LIPA: variants seen among roughly 807,000 people sequenced by gnomAD.
LIPA encodes the protein lysosomal acid lipase/cholesteryl ester hydrolase.
A neutral mutation model predicts 40.6 loss-of-function variants in LIPA; 26 were observed. The observed-to-expected ratio is 0.64, with a 90% CI of 0.47 to 0.89. The LOEUF is 0.89. Among genes scored for constraint, LIPA ranks in the 40% least tolerant of loss-of-function variants. The pLI is 0.00. For synonymous variants in LIPA, 188 were observed against 168.4 expected (o/e 1.12, Z -0.90); for missense variants, 455 against 479.6 (o/e 0.95, Z 0.48).
Position 89,262,496 on chromosome 10 carries a change from T to C in LIPA, c.-1-14847A>G, listed in dbSNP as rs188739050. On this transcript the variant is annotated intron_variant, in intron 1 of 5. Transcript: ENST00000282673. ...CAAAGGGTCATGGAAACTCAGTATC[T>C]TTCTTCCTGTCTGAATCACAGCTTT... Among the ~76,000 whole-genome samples, 12 of 152,362 alleles carry C rather than the reference T, an allele frequency of 7.9e-5. No homozygotes were observed. The East Asian group carries it at 2.3e-3, about 29-fold the overall frequency.
At chr10:89,235,712 AC>A (rs1210960734) in intron 3 of LIPA, among the ~76,000 whole-genome samples, 5 of 152,244 alleles carry the variant, frequency 3.3e-5, no homozygotes, top group Admixed American at 1.3e-4. Flanking sequence ...CCAGGGCAGA[AC>A]CAAAACAGAG....
At position 89,394,485 on chromosome 10, in the gene LIPA, C is replaced by A. The variant is rs1349195343; in HGVS notation, c.61+18306G>T. 4.0e-5 allele frequency among the ~76,000 whole-genome samples: 6 copies of A among 150,936 alleles called. No homozygotes were observed. The South Asian group carries it at 1.3e-3, about 32-fold the overall frequency. ...TAAATCAATGTTTCCCAAAGGGTGT[C>A]AGTGGGGGCTCATGTGATTATTTCA... On this transcript the variant is annotated intron_variant, in intron 2 of 8. Coordinates refer to the LIPA transcript ENST00000371837.
At chr10:89,312,624 C>T (rs773739494) in intron 1 of LIPA, among the ~76,000 whole-genome samples, 19 of 151,560 alleles carry the variant, frequency 1.3e-4, no homozygotes, top group African/African-American at 4.1e-4. Flanking sequence ...CTGGCTAACA[C>T]GGTGAAACCC....
chr10:89,248,689 T>C (rs1843071610), intron 1 of LIPA, among the ~76,000 whole-genome samples: 1 of 150,902 alleles, frequency 6.6e-6, no homozygotes, highest in Non-Finnish European at 1.5e-5. Flanking sequence ...TTCACTGTGT[T>C]AGCCAGGATG....
intron 9 of LIPA, 66 bp from the exon 10 acceptor site, chr10:89,215,127 A>C: frequency 8.7e-7 from 1 of 1,143,924 alleles, no homozygotes; most frequent in South Asian, 1.2e-5. Context: ...AAATCACAAT[A>C]AGCGCAATCT....
At position 89,214,345 on chromosome 10, in the gene LIPA, C is replaced by T. The variant is rs1842591642; in HGVS notation, c.*483G>A. 6.5e-6 allele frequency: 1 copy of T among 154,428 alleles called. No homozygotes were observed. The allele number at this position is 154,428 out of a possible 1,614,324, so 9.6% of individuals were successfully genotyped here. ...GCTGCAGGAAAACATGATAAAATGT[C>T]ATTTAGATCTCTAACTACAAGACCG... On this transcript the variant is annotated 3_prime_UTR_variant, in exon 10 of 10. Coordinates refer to ENST00000336233, the MANE Select transcript of LIPA (RefSeq NM_000235.4).
chr10:89,404,303 A>T (rs1305514853), intron 2 of LIPA: 2 of 152,552 alleles, frequency 1.3e-5, no homozygotes, highest in Non-Finnish European at 2.9e-5. Flanking sequence ...TCCACATGAC[A>T]ACTGATCAGC....
chr10:89,336,172 GGGAA>G (rs1180450072), intron 1 of LIPA, among the ~76,000 whole-genome samples: 67 of 150,230 alleles, frequency 4.5e-4, no homozygotes, highest in East Asian at 7.8e-4. Context: ...GAGGGAGGGA[GGGAA>G]GGAAGGAAGG....
chr10:89,278,208 T>C (rs577392238), intron 1 of LIPA: 4 of 152,356 alleles, frequency 2.6e-5, no homozygotes, highest in South Asian at 4.1e-4. Flanking sequence ...AGGAATGTTT[T>C]CATTTTCTCA....
intron 2 of LIPA, chr10:89,377,984 G>A: frequency 1.6e-6 from 1 of 642,768 alleles, no homozygotes; most frequent in Non-Finnish European, 2.8e-6. Flanking sequence ...CAATTCACTA[G>A]GCATCAAGGG....
chr10:89,243,646 G>A (rs145314792), intron 3 of LIPA, among the ~76,000 whole-genome samples: 56 of 152,026 alleles, frequency 3.7e-4, no homozygotes, highest in African/African-American at 9.4e-4. Flanking sequence ...AAACCCAGGT[G>A]TAGCACCAAG....
Position 89,400,962 on chromosome 10 carries a change from T to TC in LIPA, c.61+11828_61+11829insG, listed in dbSNP as rs1844412709. Among the ~76,000 whole-genome samples the TC allele has an allele frequency of 3.9e-5, 6 of 152,220 alleles. No individual in the cohort carries two copies. The South Asian group carries it at 1.2e-3, about 32-fold the overall frequency. On this transcript the variant is annotated intron_variant, in intron 2 of 8. Coordinates refer to the LIPA transcript ENST00000371837. ...TATTAGTAGTCTATAGTCTGTTTTTTTTTTCATAAAGGGTGTTGAATTTTG... is the reference window on the plus strand; with the variant it reads ...TATTAGTAGTCTATAGTCTGTTTTTTCTTTTCATAAAGGGTGTTGAATTTTG...
At chr10:89,359,712 C>A (rs955877020) in intron 2 of LIPA, among the ~76,000 whole-genome samples, 1 of 152,170 alleles carries the variant, frequency 6.6e-6, no homozygotes, top group African/African-American at 2.4e-5. Context: ...AAGGGGAGCT[C>A]ACATAGGAAA....
intron 3 of LIPA, 64 bp downstream of exon 3, chr10:89,245,611 GA>G: frequency 1.2e-6 from 1 of 831,220 alleles, no homozygotes; most frequent in Non-Finnish European, 2.1e-6. Flanking sequence ...AGTTAAATCT[GA>G]ACTTGGTTAC....
intron 1 of LIPA, chr10:89,306,031 G>A (rs746111521): frequency 9.3e-6 from 15 of 1,613,934 alleles, no homozygotes; most frequent in Non-Finnish European, 1.1e-5. Flanking sequence ...GGAACTTGAT[G>A]GAGGGAGAAA....
chr10:89,321,545 G>A (rs117638769), intron 1 of LIPA, among the ~76,000 whole-genome samples: 2,187 of 152,284 alleles, frequency 0.014, 53 homozygotes, highest in South Asian at 0.098. Flanking sequence ...CGTTAGAATG[G>A]CCATCATTAA....
At chr10:89,327,964 C>T in intron 1 of LIPA, 1 of 1,105,442 alleles carries the variant, frequency 9.0e-7, no homozygotes, top group Non-Finnish European at 1.4e-6. Flanking sequence ...ACTCTCCCAC[C>T]CCTTTATATA....
intron 1 of LIPA, among the ~76,000 whole-genome samples, chr10:89,279,352 G>C (rs1462205954): frequency 6.6e-6 from 1 of 152,180 alleles, no homozygotes; most frequent in Non-Finnish European, 1.5e-5. Flanking sequence ...AAAGGAGAGA[G>C]AGAATGAATT....
At chr10:89,322,884 C>G (rs1843579724) in intron 1 of LIPA, among the ~76,000 whole-genome samples, 1 of 152,194 alleles carries the variant, frequency 6.6e-6, no homozygotes, top group Admixed American at 6.5e-5. Context: ...CTACATCTAC[C>G]CCTGCCACTG....
Sources: gnomAD v4.1 joint callset for allele counts (sites outside exome capture counted in the v4.1 genomes callset) on GRCh38, gnomAD v4.1.1 for gene constraint, MANE v1.5 for transcripts, NCBI Gene and HGNC (gene_info 2026-07-23, HGNC 2026-07-21) for gene names.